Variants in PITPNM2 observed in about 807,000 individuals in gnomAD.
PITPNM2 encodes membrane-associated phosphatidylinositol transfer protein 2.
Under a neutral mutation model 132.2 loss-of-function variants are expected in PITPNM2, and 35 were observed. That is an observed-to-expected ratio of 0.26 (90% CI 0.20 to 0.35). The LOEUF is 0.35. PITPNM2 is among the 10% of genes least tolerant of loss of function. The pLI, the probability that PITPNM2 is intolerant of heterozygous loss-of-function variation, is 1.00. For missense variants in PITPNM2, 1,332 were observed against 1,912.0 expected, an observed-to-expected ratio of 0.70 and a Z score of 5.66; for synonymous variants, 738 against 799.2, an observed-to-expected ratio of 0.92 and a Z score of 1.29.
rs1007822946 is a variant in PITPNM2, at chr12:123,023,459, G to A, written c.79-9417C>T. On this transcript the variant is annotated intron_variant, in intron 3 of 25. Transcript: ENST00000320201. The surrounding 1 kb of genome is among the most constrained non-coding windows in gnomAD (Gnocchi z 4.8). ...ACATCCTCAAGATGACCTACTTGTG[G>A]TATACATGGGGAAACTGAGGGCCAG... 6.6e-6 allele frequency among the ~76,000 whole-genome samples: 1 copy of A among 152,178 alleles called. No homozygotes were observed. Among genetic ancestry groups the A allele is most frequent in the African/African-American group, 2.4e-5 (1 of 41,420 alleles).
intron 3 of PITPNM2, among the ~76,000 whole-genome samples, chr12:123,028,779 C>T (rs140137757): frequency 0.014 from 2,183 of 152,262 alleles, 26 homozygotes; most frequent in Middle Eastern, 0.027. Context: ...AAGGCTAGAG[C>T]GGGCACAGAC....
intron 19 of PITPNM2, 85 bp from the exon 20 acceptor site, chr12:122,988,435 A>G: frequency 8.7e-7 from 1 of 1,144,926 alleles, no homozygotes; most frequent in Non-Finnish European, 1.3e-6. Context: ...AGTACCCGGG[A>G]GCAAGAGGAG....
chr12:123,064,283 T>C lies in PITPNM2; in HGVS notation c.-95-29598A>G, dbSNP rs1052256278. On this transcript the variant is annotated intron_variant, in intron 2 of 25. Transcript: ENST00000320201. The surrounding 1 kb of genome is among the most constrained non-coding windows in gnomAD (Gnocchi z 4.0). ...AGCGACAGGGACTTGGTCAAGGTCA[T>C]CGGGCAAGTCAGTAGCAGGGAAGGG... Among the ~76,000 whole-genome samples, 1 of 152,124 alleles carries C rather than the reference T, an allele frequency of 6.6e-6. No individual in the cohort carries two copies. Among genetic ancestry groups the C allele is most frequent in the African/African-American group, 2.4e-5 (1 of 41,388 alleles).
At position 123,022,999 on chromosome 12, in the gene PITPNM2, G is replaced by A. The variant is rs1001707166; in HGVS notation, c.79-8957C>T. Among the ~76,000 whole-genome samples the A allele has an allele frequency of 3.3e-5, 5 of 152,232 alleles. No homozygotes were observed. Among genetic ancestry groups the A allele is most frequent in the African/African-American group, 1.2e-4 (5 of 41,464 alleles). On this transcript the variant is annotated intron_variant, in intron 3 of 25. Transcript: ENST00000320201. The surrounding 1 kb of genome is among the most constrained non-coding windows in gnomAD (Gnocchi z 4.9). ...TTGTTCTCCCAGCTCCCTGCCACAG[G>A]GGCATGACTCTGTCTCCTGGCTGGG...
Position 123,022,348 on chromosome 12 carries a change from G to A in PITPNM2, c.79-8306C>T, listed in dbSNP as rs991658732. Among the ~76,000 whole-genome samples, 8 of 152,096 alleles carry A rather than the reference G, an allele frequency of 5.3e-5. No homozygotes were observed. The highest frequency in any genetic ancestry group is 1.7e-4 in the African/African-American group (7 of 41,388). The stretch of plus-strand genomic sequence containing the variant: ...ATAGCTATAGGCACCAAGACCGCTC[G>A]GAAGACCCACAGAGCATCAGACACC... On this transcript the variant is annotated intron_variant, in intron 3 of 25. Transcript: ENST00000320201. The surrounding 1 kb of genome is among the most constrained non-coding windows in gnomAD (Gnocchi z 4.9).
intron 2 of PITPNM2, among the ~76,000 whole-genome samples, chr12:123,085,895 G>A (rs2042098092): frequency 6.6e-6 from 1 of 152,188 alleles, no homozygotes; most frequent in Non-Finnish European, 1.5e-5. Flanking sequence ...CTCTTTGTGT[G>A]AGCCAGCATG....
intron 3 of PITPNM2, among the ~76,000 whole-genome samples, chr12:123,015,523 A>G (rs1370165395): frequency 1.3e-5 from 2 of 152,238 alleles, no homozygotes; most frequent in Non-Finnish European, 2.9e-5. Context: ...ACCCTATCTC[A>G]CAGCAGATAC....
rs1566236219 is a variant in PITPNM2 at position 122,996,809 on chromosome 12, T to C, written c.1574A>G (p.Gln525Arg). ...CTGAATCACTGTGGCAACTGCCTCC[T>C]GGTACTGGGGGGAGGAGGTGGCCAG... ...PLLATSSPQY[Q>R]EAVATVIQRA... The change falls in exon 12 of 26, where the codon CAG becomes CGG. Residue 525 changes from glutamine to arginine, a missense_variant. Around this residue, in one of 6 missense-constraint regions of PITPNM2, gnomAD observed 710 missense variants for 911.5 expected, o/e 0.78. Transcript: ENST00000320201. 2.5e-6 allele frequency: 4 copies of C among 1,609,260 alleles called. No homozygotes were observed. In the African/African-American group the frequency reaches 4.0e-5, roughly 16 times the overall value.
In PITPNM2 at chr12:123,013,876, A is replaced by T; in HGVS notation, c.245T>A (p.Leu82Gln). The change falls in exon 4 of 26, where the codon CTG becomes CAG. Residue 82 changes from leucine (L) to glutamine (Q), a missense_variant. Physicochemically the swap from Leu to Gln is moderately radical, Grantham distance 113 (BLOSUM62 -2). Around this residue, in one of 6 missense-constraint regions of PITPNM2, gnomAD observed 83 missense variants for 118.7 expected, o/e 0.70. Transcript: ENST00000320201. The stretch of plus-strand genomic sequence containing the variant: ...ATTCCAAGACTCCTCCACCACCCGC[A>T]GGGCTGCCTTGGGCAGGATGGAGCG... Reference protein sequence around the residue: ...WFRSILPKAALRVVEESWNAY... With the variant: ...WFRSILPKAAQRVVEESWNAY... The T allele has an allele frequency of 6.2e-7, 1 of 1,614,256 alleles. No individual in the cohort carries two copies. Among genetic ancestry groups the T allele is most frequent in the Non-Finnish European group, 8.5e-7 (1 of 1,180,044 alleles).
At chr12:123,028,491 G>A (rs1354302754) in intron 3 of PITPNM2, among the ~76,000 whole-genome samples, 19 of 152,344 alleles carry the variant, frequency 1.2e-4, no homozygotes, top group Admixed American at 1.2e-3. Context: ...GGCCAGTGCA[G>A]ACTGTGCCCT....
chr12:123,116,358 C>T (rs991903818), intron 1 of PITPNM2, among the ~76,000 whole-genome samples: 1 of 152,100 alleles, frequency 6.6e-6, no homozygotes, highest in African/African-American at 2.4e-5. Flanking sequence ...TTAAAAAAGA[C>T]AGACATTCTG....
chr12:123,005,114 C>A lies in PITPNM2; in HGVS notation c.952+126G>T. On this transcript the variant is annotated intron_variant, in intron 7 of 25. Coordinates refer to ENST00000320201, the MANE Select transcript of PITPNM2 (RefSeq NM_020845.3). This position sits in a 1 kb window ranked among gnomAD's most constrained non-coding sequence, Gnocchi z 6.2. Reference sequence around the variant, plus strand: ...AGGACTAGCCCAGGGCTCTGACTCCCTCTGGGCTTGGTGCCTCAATGTCCA... The same window carrying A: ...AGGACTAGCCCAGGGCTCTGACTCCATCTGGGCTTGGTGCCTCAATGTCCA... 8.1e-7 allele frequency: 1 copy of A among 1,228,058 alleles called. No individual in the cohort carries two copies. 76.1% of individuals were successfully genotyped at this position (1,228,058 alleles called of 1,614,324 possible). A position where few individuals can be genotyped will look rare whatever the true frequency, so the allele number is the denominator to read the frequency against.
Position 123,004,577 on chromosome 12 carries a change from C to G in PITPNM2, c.953-88G>C. 8.0e-7 allele frequency: 1 copy of G among 1,256,766 alleles called. No individual in the cohort carries two copies. The allele number at this position is 1,256,766 out of a possible 1,614,324, so 77.9% of individuals were successfully genotyped here. A position where few individuals can be genotyped will look rare whatever the true frequency, so the allele number is the denominator to read the frequency against. On this transcript the variant is annotated intron_variant, in intron 7 of 25. Transcript: ENST00000320201. The surrounding 1 kb of genome is among the most constrained non-coding windows in gnomAD (Gnocchi z 4.9). ...GCCGGCAGGAGGCAGGGAGGGCCACCCACAGGCCTGACAGGCATCACAGAG... is the reference window on the plus strand; with the variant it reads ...GCCGGCAGGAGGCAGGGAGGGCCACGCACAGGCCTGACAGGCATCACAGAG...
chr12:123,113,559 G>A (rs1037503979), intron 1 of PITPNM2, among the ~76,000 whole-genome samples: 4 of 152,004 alleles, frequency 2.6e-5, no homozygotes, highest in African/African-American at 9.7e-5. Context: ...AAATTAGCTG[G>A]GTGTAGTGGC....
intron 2 of PITPNM2, among the ~76,000 whole-genome samples, chr12:123,079,990 A>G (rs2041910239): frequency 6.6e-6 from 1 of 152,142 alleles, no homozygotes; most frequent in Non-Finnish European, 1.5e-5. Context: ...GGATTTGCCT[A>G]TTCTGGACAT....
rs779924567 is a variant in PITPNM2 at position 123,110,877 on chromosome 12, T to C, written c.-199-389A>G. On this transcript the variant is annotated intron_variant, in intron 1 of 25. Coordinates refer to ENST00000320201, the MANE Select transcript of PITPNM2 (RefSeq NM_020845.3). ...GGACTTCAGACCGCAGAGAGGAGGC[T>C]GGAAAATGAGGTAATGCAGGAAGAA... Among the ~76,000 whole-genome samples, 31 of 152,166 alleles carry C rather than the reference T, an allele frequency of 2.0e-4. 1 individual carries two copies. The highest frequency in any genetic ancestry group is 2.5e-4 in the Non-Finnish European group (17 of 67,994).
At chr12:123,103,802 T>C (rs2137257839) in intron 2 of PITPNM2, among the ~76,000 whole-genome samples, 1 of 152,314 alleles carries the variant, frequency 6.6e-6, no homozygotes, top group South Asian at 2.1e-4. Context: ...AGATGACTTC[T>C]TGCATCTCTC....
rs1439842471 is a variant in PITPNM2 at position 123,022,641 on chromosome 12, T to G, written c.79-8599A>C. 1.3e-5 allele frequency among the ~76,000 whole-genome samples: 2 copies of G among 152,136 alleles called. No individual in the cohort carries two copies. The highest frequency in any genetic ancestry group is 3.9e-4 in the East Asian group (2 of 5,190). Reference sequence around the variant, plus strand: ...GCTCCCCACTCCACAAGTAAGAAACTGAGGCACAGAGTACTGGAGCCAAGT... The same window carrying G: ...GCTCCCCACTCCACAAGTAAGAAACGGAGGCACAGAGTACTGGAGCCAAGT... On this transcript the variant is annotated intron_variant, in intron 3 of 25. Transcript: ENST00000320201. This position sits in a 1 kb window ranked among gnomAD's most constrained non-coding sequence, Gnocchi z 4.9.
chr12:123,017,823 A>G (rs2039485961), intron 3 of PITPNM2, among the ~76,000 whole-genome samples: 1 of 152,250 alleles, frequency 6.6e-6, no homozygotes, highest in Non-Finnish European at 1.5e-5. Context: ...GAAAATATAT[A>G]GAGACAGAAA....
Sources: allele counts gnomAD v4.1 joint callset (sites outside exome capture counted in the v4.1 genomes callset), GRCh38; gene constraint gnomAD v4.1.1; regional missense constraint gnomAD v4.1.1; non-coding constraint Gnocchi (gnomAD v3.1); transcripts MANE v1.5; gene names NCBI Gene and HGNC (gene_info 2026-07-23, HGNC 2026-07-21).